NUP214: variants seen among roughly 807,000 people sequenced by gnomAD.
The protein encoded by NUP214 is nucleoporin 214.
A neutral mutation model predicts 196.2 loss-of-function variants in NUP214; 79 were observed. The observed-to-expected ratio is 0.40, with a 90% CI of 0.34 to 0.49. The LOEUF (loss-of-function observed/expected upper bound fraction) is 0.49, where lower values mean the gene tolerates loss of function less well. Among genes scored for constraint, NUP214 ranks in the 20% least tolerant of loss-of-function variants. The pLI is 0.58. For synonymous variants in NUP214, 1,020 were observed against 990.5 expected, an observed-to-expected ratio of 1.03 and a Z score of -0.56; for missense variants, 2,468 against 2,539.0, an observed-to-expected ratio of 0.97 and a Z score of 0.60.
At position 131,197,991 on chromosome 9, in the gene NUP214, A is replaced by G; in HGVS notation, c.4497A>G (p.Ser1499=). The change falls in exon 29 of 36, where the codon TCA becomes TCG. Residue 1499 remains serine (S), a synonymous_variant. Coordinates refer to ENST00000359428, the MANE Select transcript of NUP214 (RefSeq NM_005085.4). ...AGRSTEEATS[S]ALPEKPGDSE... ...GAAGCACAGAAGAGGCCACTTCATC[A>G]GCTTTGCCTGAGAAGCCAGGTGACA... 1 of 1,614,212 alleles carries G rather than the reference A, an allele frequency of 6.2e-7. No individual in the cohort carries two copies. The highest frequency in any genetic ancestry group is 2.2e-5 in the East Asian group (1 of 44,878).
In NUP214 at chr9:131,125,876, C is replaced by T. The variant is rs1831331729; in HGVS notation, c.45+127C>T. ...TGAACAGTTTACCGCGTTCACAGCTCTCACCAGCGCGTCTGCCGCGCCGCT... is the reference window on the plus strand; with the variant it reads ...TGAACAGTTTACCGCGTTCACAGCTTTCACCAGCGCGTCTGCCGCGCCGCT... On this transcript the variant is annotated intron_variant, in intron 1 of 35. Coordinates refer to ENST00000359428, the MANE Select transcript of NUP214 (RefSeq NM_005085.4). The surrounding 1 kb of genome is among the most constrained non-coding windows in gnomAD (Gnocchi z 4.1). 3 of 1,068,934 alleles carry T rather than the reference C, an allele frequency of 2.8e-6. No homozygotes were observed. Among genetic ancestry groups the T allele is most frequent in the Non-Finnish European group, 4.0e-6 (3 of 741,704 alleles). 66.2% of individuals were successfully genotyped at this position (1,068,934 alleles called of 1,614,324 possible). A position where few individuals can be genotyped will look rare whatever the true frequency, so the allele number is the denominator to read the frequency against.
intron 24 of NUP214, 55 bp from the exon 25 acceptor site, chr9:131,187,234 G>T (rs1833475492): frequency 6.7e-7 from 1 of 1,486,496 alleles, no homozygotes; most frequent in Non-Finnish European, 9.4e-7. Context: ...GAGAATGAAT[G>T]TGATTTTTAC....
intron 32 of NUP214, among the ~76,000 whole-genome samples, chr9:131,225,882 T>C (rs996196114): frequency 3.3e-5 from 5 of 152,228 alleles, no homozygotes; most frequent in African/African-American, 9.6e-5. Context: ...AAAATTATCC[T>C]GCTGGAGGTC....
intron 8 of NUP214, 113 bp downstream of exon 8, chr9:131,135,117 TCTCA>T: frequency 2.6e-6 from 2 of 764,572 alleles, no homozygotes; most frequent in Non-Finnish European, 2.2e-6. Context: ...ATTGGCAGGG[TCTCA>T]CTCCATTACC....
rs529624907 is a variant in NUP214, at chr9:131,223,727, A to AT, written c.5902+822dup. Among the ~76,000 whole-genome samples the AT allele has an allele frequency of 2.0e-3, 31 of 15,674 alleles. 3 individuals carry two copies. The highest frequency in any genetic ancestry group is 0.01 in the South Asian group (2 of 198). The allele number at this position is 15,674 out of a possible 152,430, so 10.3% of individuals were successfully genotyped here. Reference sequence around the variant, plus strand: ...TTTTTTTATTTTTATTTATTTATTTATTTTTTTTTTTTTTTTTTTTTTTTT... The same window carrying AT: ...TTTTTTTATTTTTATTTATTTATTTATTTTTTTTTTTTTTTTTTTTTTTTTT... On this transcript the variant is annotated intron_variant, in intron 32 of 35. Coordinates refer to ENST00000359428, the MANE Select transcript of NUP214 (RefSeq NM_005085.4).
At chr9:131,218,004 C>T (rs1478268220) in intron 31 of NUP214, among the ~76,000 whole-genome samples, 1 of 152,156 alleles carries the variant, frequency 6.6e-6, no homozygotes, top group Non-Finnish European at 1.5e-5. Flanking sequence ...AACCAGGACT[C>T]CCCAGCCTGT....
In NUP214 at chr9:131,198,021, GGTCTCA is replaced by G. The variant is rs1346196513; in HGVS notation, c.4529_4534del (p.Val1510_Ser1511del). The G allele has an allele frequency of 6.2e-7, 1 of 1,614,226 alleles. No homozygotes were observed. Among genetic ancestry groups the G allele is most frequent in the Non-Finnish European group, 8.5e-7 (1 of 1,180,040 alleles). On this transcript the variant is annotated inframe_deletion, in exon 29 of 36. Transcript: ENST00000359428. Reference sequence around the variant, plus strand: ...TGCCTGAGAAGCCAGGTGACAGTGAGGTCTCAGCATCAGCAGCCTCACTTCTAGAGG... The same window carrying G: ...TGCCTGAGAAGCCAGGTGACAGTGAGGCATCAGCAGCCTCACTTCTAGAGG...
At chr9:131,149,744 T>C (rs1398466071) in intron 14 of NUP214, among the ~76,000 whole-genome samples, 1 of 152,166 alleles carries the variant, frequency 6.6e-6, no homozygotes, top group East Asian at 1.9e-4. Flanking sequence ...CCCAAACTCC[T>C]TGGTGTGACC....
At chr9:131,177,303 C>A (rs1389477755) in intron 23 of NUP214, among the ~76,000 whole-genome samples, 2 of 152,062 alleles carry the variant, frequency 1.3e-5, no homozygotes, top group Non-Finnish European at 2.9e-5. Flanking sequence ...AAATAGAATT[C>A]TTTGATCTCT....
At chr9:131,149,505 G>A (rs1832190024) in intron 14 of NUP214, among the ~76,000 whole-genome samples, 1 of 149,388 alleles carries the variant, frequency 6.7e-6, no homozygotes, top group African/African-American at 2.5e-5. Context: ...GCTGGCGGGA[G>A]GTCTTGTCAG....
chr9:131,159,948 A>G (rs1335759993), intron 18 of NUP214, among the ~76,000 whole-genome samples: 2 of 152,120 alleles, frequency 1.3e-5, no homozygotes, highest in Non-Finnish European at 2.9e-5. Context: ...CTATAGAAAC[A>G]ACAAATGATA....
At chr9:131,151,683 A>C (rs1200448834) in intron 16 of NUP214, 53 bp from the exon 17 acceptor site, 1 of 1,424,532 alleles carries the variant, frequency 7.0e-7, no homozygotes, top group Non-Finnish European at 9.6e-7. Context: ...TCCAAACAGA[A>C]AGATTTGGAC....
rs11338707 is a variant in NUP214 at position 131,137,552 on chromosome 9, C to CTTT, written c.1005+1567_1005+1569dup. Among the ~76,000 whole-genome samples the CTTT allele has an allele frequency of 2.1e-3, 184 of 88,692 alleles. 1 individual carries two copies. The highest frequency in any genetic ancestry group is 2.8e-3 in the Non-Finnish European group (130 of 46,820). The allele number at this position is 88,692 out of a possible 152,430, so 58.2% of individuals were successfully genotyped here. ...TTTTTACCCTCATTTCTGGTGGTAT[C>CTTT]TTTTTTTTTTTTTTTTTTTTTTTGA... On this transcript the variant is annotated intron_variant, in intron 9 of 35. Transcript: ENST00000359428.
chr9:131,156,860 A>C (rs1832466181), intron 17 of NUP214, among the ~76,000 whole-genome samples: 1 of 152,196 alleles, frequency 6.6e-6, no homozygotes, highest in Non-Finnish European at 1.5e-5. Context: ...TAATTTTGAA[A>C]ATACATTTAA....
At chr9:131,200,411 A>G (rs1239224197) in intron 29 of NUP214, among the ~76,000 whole-genome samples, 1 of 152,204 alleles carries the variant, frequency 6.6e-6, no homozygotes, top group Non-Finnish European at 1.5e-5. Context: ...CCCCATCTCT[A>G]CTAAAAACAC....
At chr9:131,204,639 A>G (rs894033176) in intron 30 of NUP214, among the ~76,000 whole-genome samples, 4 of 152,248 alleles carry the variant, frequency 2.6e-5, no homozygotes, top group Admixed American at 1.3e-4. Context: ...GTTACCTGGA[A>G]TGCATCACAG....
At chr9:131,130,187 A>G (rs1384456444) in intron 4 of NUP214, among the ~76,000 whole-genome samples, 1 of 106,148 alleles carries the variant, frequency 9.4e-6, no homozygotes, top group Non-Finnish European at 1.7e-5. Context: ...TCTGTCGCCC[A>G]GGCTGGAGTG....
chr9:131,222,121 G>A (rs1054061041), intron 31 of NUP214, among the ~76,000 whole-genome samples: 3 of 152,154 alleles, frequency 2.0e-5, no homozygotes, highest in African/African-American at 7.2e-5. Flanking sequence ...CCTCTTAGAG[G>A]AAATCTGACT....
chr9:131,175,277 AG>A (rs1348934943), intron 22 of NUP214, among the ~76,000 whole-genome samples, 182 bp from the exon 23 acceptor site: 1 of 152,230 alleles, frequency 6.6e-6, no homozygotes, highest in East Asian at 1.9e-4. Context: ...AGAGGTGGGT[AG>A]GCAAATTTCA....
Sources: allele counts gnomAD v4.1 joint callset (sites outside exome capture counted in the v4.1 genomes callset), GRCh38; gene constraint gnomAD v4.1.1; non-coding constraint Gnocchi (gnomAD v3.1); transcripts MANE v1.5; gene names NCBI Gene and HGNC (gene_info 2026-07-23, HGNC 2026-07-21).